Variants in FMN1 observed in about 807,000 individuals in gnomAD.
FMN1 encodes the protein formin 1, also known as formin-1.
Under a neutral mutation model 132.4 loss-of-function variants are expected in FMN1, and 110 were observed. The observed-to-expected ratio is 0.83, with a 90% confidence interval of 0.71 to 0.97. The LOEUF (loss-of-function observed/expected upper bound fraction) is 0.97. FMN1 is among the 50% of genes least tolerant of loss of function. FMN1 has a pLI of 0.00. For synonymous variants in FMN1, 722 were observed against 651.7 expected, an observed-to-expected ratio of 1.11 and a Z score of -1.64; for missense variants, 1,792 against 1,705.3, an observed-to-expected ratio of 1.05 and a Z score of -0.90.
intron 4 of FMN1, among the ~76,000 whole-genome samples, chr15:33,100,132 C>T (rs1231962609): frequency 6.8e-6 from 1 of 147,232 alleles, no homozygotes; most frequent in Non-Finnish European, 1.5e-5. Flanking sequence ...ACATTAGAGA[C>T]ACATTTATTT....
chr15:32,819,182 G>C (rs1036785513), intron 17 of FMN1, among the ~76,000 whole-genome samples: 2 of 151,954 alleles, frequency 1.3e-5, no homozygotes, highest in Admixed American at 6.6e-5. Context: ...CGAGGAGGGG[G>C]AGGAAAACCT....
At chr15:33,060,557 T>G (rs1006583503) in intron 6 of FMN1, among the ~76,000 whole-genome samples, 5 of 152,198 alleles carry the variant, frequency 3.3e-5, no homozygotes, top group African/African-American at 9.7e-5. Flanking sequence ...AGGAAAGATG[T>G]GTCTGCTGGA....
At chr15:32,941,852 G>C (rs2061406758) in intron 9 of FMN1, among the ~76,000 whole-genome samples, 1 of 152,104 alleles carries the variant, frequency 6.6e-6, no homozygotes, top group Admixed American at 6.6e-5. Flanking sequence ...TTTTATATCA[G>C]ATTGTTAAAA....
intron 10 of FMN1, among the ~76,000 whole-genome samples, chr15:32,923,544 C>A (rs570149665): frequency 6.6e-6 from 1 of 152,104 alleles, no homozygotes; most frequent in Non-Finnish European, 1.5e-5. Flanking sequence ...GGAAGGAAAA[C>A]GAACAATAAA....
chr15:33,057,865 A>T (rs1595371184), intron 6 of FMN1, among the ~76,000 whole-genome samples: 1 of 152,218 alleles, frequency 6.6e-6, no homozygotes, highest in Non-Finnish European at 1.5e-5. Context: ...ACAATTTCCC[A>T]TCTGGTTTCT....
chr15:33,156,273 GTTTT>G (rs59517614), intron 3 of FMN1, among the ~76,000 whole-genome samples: 2,205 of 87,248 alleles, frequency 0.025, 66 homozygotes, highest in African/African-American at 0.077. Context: ...CACTCAAGTA[GTTTT>G]TTTTTTTTTT....
chr15:33,186,486 C>T (rs1430192396), intron 2 of FMN1, among the ~76,000 whole-genome samples: 2 of 138,582 alleles, frequency 1.4e-5, no homozygotes, highest in Non-Finnish European at 3.4e-5. Context: ...TTTAAATGTT[C>T]CTCAAAAAAA....
At chr15:33,091,386 G>A (rs1595451436) in intron 4 of FMN1, among the ~76,000 whole-genome samples, 1 of 152,124 alleles carries the variant, frequency 6.6e-6, no homozygotes, top group South Asian at 2.1e-4. Flanking sequence ...CACTCTCTAC[G>A]CAGAGCAAAA....
At chr15:32,959,435 A>AAG (rs1243632325) in intron 9 of FMN1, among the ~76,000 whole-genome samples, 1,719 of 152,330 alleles carry the variant, frequency 0.011, 26 homozygotes, top group African/African-American at 0.039. Context: ...GCATCAATTC[A>AAG]GCTTGCTATT....
intron 4 of FMN1, among the ~76,000 whole-genome samples, chr15:33,140,690 G>A (rs1005385997): frequency 3.3e-5 from 5 of 152,340 alleles, no homozygotes; most frequent in South Asian, 2.1e-4. Flanking sequence ...ACTCTAACCA[G>A]AGAAGTTGGA....
At chr15:32,941,355 C>T (rs11072074) in intron 9 of FMN1, among the ~76,000 whole-genome samples, 13,013 of 152,194 alleles carry the variant, frequency 0.086, 876 homozygotes, top group African/African-American at 0.18. Context: ...CTGAAGAAAC[C>T]TACAAATTTC....
intron 17 of FMN1, among the ~76,000 whole-genome samples, chr15:32,832,251 C>A (rs914950846): frequency 6.6e-6 from 1 of 152,104 alleles, no homozygotes; most frequent in Non-Finnish European, 1.5e-5. Flanking sequence ...TCTCAAAGCC[C>A]GATGGATTTA....
intron 4 of FMN1, among the ~76,000 whole-genome samples, chr15:33,090,085 C>G (rs1343628659): frequency 2.6e-5 from 4 of 152,224 alleles, no homozygotes; most frequent in Non-Finnish European, 5.9e-5. Context: ...ATACAGCACT[C>G]AAGTTCCTAG....
chr15:33,181,383 T>A (rs1208272809), intron 2 of FMN1, among the ~76,000 whole-genome samples: 1 of 152,214 alleles, frequency 6.6e-6, no homozygotes, highest in East Asian at 1.9e-4. Flanking sequence ...CAAATCCTCT[T>A]CCATGCCCTT....
chr15:33,062,305 T>G (rs557909558), intron 6 of FMN1, among the ~76,000 whole-genome samples: 2 of 152,162 alleles, frequency 1.3e-5, no homozygotes, highest in Non-Finnish European at 2.9e-5. Flanking sequence ...TTTTTATAAT[T>G]AGTAAAACTC....
intron 17 of FMN1, among the ~76,000 whole-genome samples, chr15:32,848,731 ATTTG>A (rs2058921906): frequency 6.6e-6 from 1 of 152,208 alleles, no homozygotes; most frequent in African/African-American, 2.4e-5. Context: ...TTCAAAAAAA[ATTTG>A]TTTACTATTT....
At chr15:32,823,596 C>G (rs537264513) in intron 17 of FMN1, among the ~76,000 whole-genome samples, 1 of 152,264 alleles carries the variant, frequency 6.6e-6, no homozygotes, top group South Asian at 2.1e-4. Context: ...TTTAAGTTTC[C>G]TCTCACATAC....
chr15:33,125,192 TACTC>T lies in FMN1; in HGVS notation c.1867+27852_1867+27855del, dbSNP rs146110615. ...GATCCATCACTTACTGTGAATCACT[TACTC>T]AGCTTAAGAAGGTCACCTAATTTTT... On this transcript the variant is annotated intron_variant, in intron 4 of 20. Transcript: ENST00000616417. Among the ~76,000 whole-genome samples, 245 of 152,238 alleles carry T rather than the reference TACTC, an allele frequency of 1.6e-3. 1 individual carries two copies. The highest frequency in any genetic ancestry group is 5.7e-3 in the African/African-American group (236 of 41,562).
chr15:32,959,521 A>G (rs2030258217), intron 9 of FMN1, among the ~76,000 whole-genome samples: 1 of 152,230 alleles, frequency 6.6e-6, no homozygotes, highest in East Asian at 1.9e-4. Context: ...ATATTACCAC[A>G]AAGCTCAGTA....
Sources: gnomAD v4.1 joint callset for allele counts (sites outside exome capture counted in the v4.1 genomes callset) on GRCh38, gnomAD v4.1.1 for gene constraint, MANE v1.5 for transcripts, NCBI Gene and HGNC (gene_info 2026-07-23, HGNC 2026-07-21) for gene names.